ADARB1: variants seen among roughly 807,000 people sequenced by gnomAD.
The protein encoded by ADARB1 is double-stranded RNA-specific editase 1.
ADARB1 carries 10 observed loss-of-function variants against 52.4 expected under a neutral mutation model. The observed-to-expected ratio is 0.19, with a 90% CI of 0.12 to 0.32. ADARB1 has a LOEUF of 0.32. Ranked by LOEUF, ADARB1 falls within the 10% of genes least tolerant of loss-of-function variation. The pLI is 1.00. For synonymous variants in ADARB1, 349 were observed against 371.1 expected (o/e 0.94, Z 0.68); for missense variants, 643 against 922.3 (o/e 0.70, Z 3.92).
chr21:45,203,080 G>T (rs777179064), intron 8 of ADARB1, among the ~76,000 whole-genome samples: 1 of 152,188 alleles, frequency 6.6e-6, no homozygotes, highest in Non-Finnish European at 1.5e-5. Flanking sequence ...ATGCGCATGC[G>T]CCAGCCCCTC....
chr21:45,175,693 C>A (rs756763995), intron 3 of ADARB1, 37 bp from the exon 4 acceptor site: 1 of 1,602,662 alleles, frequency 6.2e-7, no homozygotes, highest in Admixed American at 1.7e-5. Flanking sequence ...GATCCTGCAA[C>A]GAAGGCATTG....
At chr21:45,219,991 T>A (rs2092933707) in intron 9 of ADARB1, among the ~76,000 whole-genome samples, 1 of 17,390 alleles carries the variant, frequency 5.8e-5, no homozygotes, top group African/African-American at 6.0e-4. Flanking sequence ...TTGGTAGCCT[T>A]TTTTTTTTTT....
At chr21:45,133,242 C>T (rs1371741074) in intron 2 of ADARB1, among the ~76,000 whole-genome samples, 1 of 152,260 alleles carries the variant, frequency 6.6e-6, no homozygotes, top group Non-Finnish European at 1.5e-5. Context: ...TCTTCAGGCC[C>T]ACTGGCTCTT....
At chr21:45,078,429 A>C (rs1222291827) in intron 1 of ADARB1, among the ~76,000 whole-genome samples, 1 of 152,168 alleles carries the variant, frequency 6.6e-6, no homozygotes, top group African/African-American at 2.4e-5. Flanking sequence ...GAAGGAGGAG[A>C]GCAGTAAACA....
chr21:45,158,612 C>A (rs1601667092), intron 2 of ADARB1, among the ~76,000 whole-genome samples: 1 of 152,054 alleles, frequency 6.6e-6, no homozygotes, highest in Non-Finnish European at 1.5e-5. Flanking sequence ...CAGCCTCATG[C>A]CCAGGGCTCA....
At chr21:45,148,219 C>A (rs1216590513) in intron 2 of ADARB1, among the ~76,000 whole-genome samples, 1 of 152,188 alleles carries the variant, frequency 6.6e-6, no homozygotes, top group Non-Finnish European at 1.5e-5. Context: ...CGGACCTGCC[C>A]ACCAGTTCCC....
intron 1 of ADARB1, among the ~76,000 whole-genome samples, chr21:45,109,158 C>G (rs1229519854): frequency 6.6e-6 from 1 of 150,490 alleles, no homozygotes; most frequent in Non-Finnish European, 1.5e-5. Flanking sequence ...CGCGCGTGTG[C>G]GTATATGTGT....
chr21:45,137,000 T>A (rs2089424797), intron 2 of ADARB1: 1 of 152,240 alleles, frequency 6.6e-6, no homozygotes, highest in African/African-American at 2.4e-5. Context: ...CTTGAATAGA[T>A]AAGAATTTAA....
intron 1 of ADARB1, among the ~76,000 whole-genome samples, chr21:45,124,799 G>A (rs574322550): frequency 3.6e-4 from 55 of 151,184 alleles, no homozygotes; most frequent in African/African-American, 1.3e-3. Context: ...GTGTGTGTGT[G>A]TGTGTGTGTG....
At chr21:45,188,515 T>G (rs1232617541) in intron 8 of ADARB1, among the ~76,000 whole-genome samples, 1 of 152,250 alleles carries the variant, frequency 6.6e-6, no homozygotes, top group Non-Finnish European at 1.5e-5. Context: ...ATCATTTGGT[T>G]ACCATCTGCA....
chr21:45,118,498 G>T (rs1220893945), intron 1 of ADARB1: 1 of 152,170 alleles, frequency 6.6e-6, no homozygotes, highest in Non-Finnish European at 1.5e-5. Flanking sequence ...ATTTGGTAGG[G>T]TCTAGAATTC....
intron 8 of ADARB1, among the ~76,000 whole-genome samples, chr21:45,192,607 C>T (rs962081034): frequency 6.6e-6 from 1 of 151,918 alleles, no homozygotes; most frequent in African/African-American, 2.4e-5. Flanking sequence ...GCTGCCCCTC[C>T]GTGTAGAGAG....
At chr21:45,160,264 C>T (rs976443948) in intron 2 of ADARB1, among the ~76,000 whole-genome samples, 17 of 152,230 alleles carry the variant, frequency 1.1e-4, no homozygotes, top group Non-Finnish European at 1.5e-4. Flanking sequence ...CACAGATCCT[C>T]GTAGAGCTGG....
intron 2 of ADARB1, among the ~76,000 whole-genome samples, chr21:45,151,312 A>T (rs2090273433): frequency 6.6e-6 from 1 of 152,230 alleles, no homozygotes; most frequent in South Asian, 2.1e-4. Context: ...ACACAAATTT[A>T]AGAGTAATAA....
chr21:45,212,708 C>T (rs1489016464), intron 9 of ADARB1, among the ~76,000 whole-genome samples: 1 of 151,922 alleles, frequency 6.6e-6, no homozygotes, highest in Admixed American at 6.6e-5. Context: ...GAATTGAATG[C>T]ACATCAAAGA....
intron 8 of ADARB1, among the ~76,000 whole-genome samples, chr21:45,199,122 G>A (rs2146314273): frequency 6.6e-6 from 1 of 152,308 alleles, no homozygotes; most frequent in South Asian, 2.1e-4. Flanking sequence ...ATGGAGGCTT[G>A]TCTCTCTCAC....
At chr21:45,109,167 G>A (rs2145742887) in intron 1 of ADARB1, among the ~76,000 whole-genome samples, 1 of 149,720 alleles carries the variant, frequency 6.7e-6, no homozygotes, top group South Asian at 2.2e-4. Flanking sequence ...GCGTATATGT[G>A]TGTGCGCGCG....
chr21:45,148,831 T>G (rs1374600197), intron 2 of ADARB1, among the ~76,000 whole-genome samples: 1 of 152,188 alleles, frequency 6.6e-6, no homozygotes, highest in Non-Finnish European at 1.5e-5. Context: ...CATCATTTCT[T>G]CTCCCCAGCT....
intron 8 of ADARB1, among the ~76,000 whole-genome samples, chr21:45,192,029 A>G (rs941498815): frequency 1.3e-5 from 2 of 151,084 alleles, no homozygotes. Context: ...ACAAATTTTT[A>G]GCCTTCATAT....
Sources: gnomAD v4.1 joint callset for allele counts (sites outside exome capture counted in the v4.1 genomes callset) on GRCh38, gnomAD v4.1.1 for gene constraint, MANE v1.5 for transcripts, NCBI Gene and HGNC (gene_info 2026-07-23, HGNC 2026-07-21) for gene names.